AGAP1: variants seen among roughly 807,000 people sequenced by gnomAD.
AGAP1 encodes ArfGAP with GTPase domain, ankyrin repeat and PH domain 1.
In AGAP1, 29 loss-of-function variants were observed where a neutral mutation model predicts 105.3. The ratio of observed to expected loss-of-function variants is 0.28; its 90% CI spans 0.21 to 0.38. The LOEUF is 0.38. AGAP1 is among the 10% of genes least tolerant of loss of function. The pLI is 1.00. For missense variants in AGAP1, 998 were observed against 1,165.1 expected (o/e 0.86, Z 2.09); for synonymous variants, 509 against 485.9 (o/e 1.05, Z -0.63).
intron 1 of AGAP1, among the ~76,000 whole-genome samples, chr2:235,698,435 T>G (rs7592683): frequency 0.3 from 45,868 of 151,924 alleles, 7,998 homozygotes; most frequent in African/African-American, 0.46. Context: ...TTACATCTCA[T>G]GAAAAAAAAA....
intron 12 of AGAP1, among the ~76,000 whole-genome samples, chr2:235,937,100 A>G (rs1244903467): frequency 6.6e-6 from 1 of 152,080 alleles, no homozygotes; most frequent in Non-Finnish European, 1.5e-5. Context: ...TTCTTCCCAA[A>G]TCTTGGCTGG....
rs868562817 is a variant in AGAP1, at chr2:235,867,053, C to A, written c.1051-16292C>A. On this transcript the variant is annotated intron_variant, in intron 9 of 17. Transcript: ENST00000304032. This position sits in a 1 kb window ranked among gnomAD's most constrained non-coding sequence, Gnocchi z 5.4. ...TCGGGGGGTGCTTGCTTATGCGGAG[C>A]CTGTGACCCTGCAGCTCAGCATGGG... Among the ~76,000 whole-genome samples the A allele has an allele frequency of 6.6e-6, 1 of 152,122 alleles. No homozygotes were observed. Among genetic ancestry groups the A allele is most frequent in the African/African-American group, 2.4e-5 (1 of 41,400 alleles).
intron 13 of AGAP1, among the ~76,000 whole-genome samples, chr2:236,022,785 C>A (rs1426296363): frequency 1.3e-5 from 2 of 152,160 alleles, no homozygotes; most frequent in Non-Finnish European, 2.9e-5. Context: ...TCCGCCCCCA[C>A]CCCAGGCCTC....
intron 1 of AGAP1, among the ~76,000 whole-genome samples, chr2:235,523,380 TC>T (rs1163815979): frequency 6.6e-6 from 1 of 152,172 alleles, no homozygotes; most frequent in African/African-American, 2.4e-5. Context: ...AATGTTTCCT[TC>T]CCTGTGGGGA....
intron 6 of AGAP1, among the ~76,000 whole-genome samples, chr2:235,755,443 C>A (rs1046541399): frequency 3.3e-5 from 5 of 152,118 alleles, no homozygotes; most frequent in Admixed American, 6.6e-5. Flanking sequence ...CGATCCCTCC[C>A]CTTCCCCTTC....
rs112761133 is a variant in AGAP1 at position 235,516,055 on chromosome 2, T to TCTGCTGCTGCTGCTG, written c.163+21231_163+21245dup. ...CTCCTGTTCCTGCCGCATGGGCTCC[T>TCTGCTGCTGCTGCTG]CTGCTGCTGCTGCTGCTGCTGCTGC... On this transcript the variant is annotated intron_variant, in intron 1 of 17. Transcript: ENST00000304032. 3.4e-3 allele frequency among the ~76,000 whole-genome samples: 469 copies of TCTGCTGCTGCTGCTG among 138,704 alleles called. 8 individuals carry two copies. Among genetic ancestry groups the TCTGCTGCTGCTGCTG allele is most frequent in the South Asian group, 3.9e-3 (16 of 4,102 alleles). 91.0% of individuals were successfully genotyped at this position (138,704 alleles called of 152,430 possible).
In AGAP1 at chr2:236,045,654, G is replaced by A. The variant is rs933582731; in HGVS notation, c.1892-3405G>A. ...GCCAGGTGGAGGGGCAGGAGACAGT[G>A]CAGAGGTCTGAGTCCGTGCCAGGAG... On this transcript the variant is annotated intron_variant, in intron 15 of 17. Coordinates refer to ENST00000304032, the MANE Select transcript of AGAP1 (RefSeq NM_001037131.3). This position sits in a 1 kb window ranked among gnomAD's most constrained non-coding sequence, Gnocchi z 6.9. 1.3e-5 allele frequency among the ~76,000 whole-genome samples: 2 copies of A among 152,250 alleles called. No homozygotes were observed. Among genetic ancestry groups the A allele is most frequent in the African/African-American group, 2.4e-5 (1 of 41,462 alleles).
chr2:236,038,719 G>C lies in AGAP1; in HGVS notation c.1800+2004G>C, dbSNP rs1234617816. Among the ~76,000 whole-genome samples the C allele has an allele frequency of 6.6e-6, 1 of 152,114 alleles. No individual in the cohort carries two copies. Among genetic ancestry groups the C allele is most frequent in the African/African-American group, 2.4e-5 (1 of 41,398 alleles). ...GTATTTTACCTGCCAGTGGATAATTGAGAGCTGATACAGGTATAGGCATAG... is the reference window on the plus strand; with the variant it reads ...GTATTTTACCTGCCAGTGGATAATTCAGAGCTGATACAGGTATAGGCATAG... On this transcript the variant is annotated intron_variant, in intron 14 of 17. Transcript: ENST00000304032. The surrounding 1 kb of genome is among the most constrained non-coding windows in gnomAD (Gnocchi z 4.5).
At chr2:235,651,134 T>G (rs1156661801) in intron 1 of AGAP1, among the ~76,000 whole-genome samples, 2 of 132,512 alleles carry the variant, frequency 1.5e-5, no homozygotes. Context: ...TGAGTCAAGA[T>G]CGTGCCAGCC....
At chr2:235,938,791 G>A (rs867160924) in intron 12 of AGAP1, among the ~76,000 whole-genome samples, 1 of 152,258 alleles carries the variant, frequency 6.6e-6, no homozygotes. Flanking sequence ...GGGGAGAGGG[G>A]CCTGAAACCC....
intron 1 of AGAP1, among the ~76,000 whole-genome samples, chr2:235,547,858 A>C (rs1349488181): frequency 6.6e-6 from 1 of 152,192 alleles, no homozygotes; most frequent in East Asian, 1.9e-4. Context: ...TGAATTTGCA[A>C]ATGCCAGGGT....
At chr2:235,939,898 G>T (rs1446161722) in intron 12 of AGAP1, among the ~76,000 whole-genome samples, 3 of 152,034 alleles carry the variant, frequency 2.0e-5, no homozygotes, top group African/African-American at 7.2e-5. Context: ...TCTTGAAATA[G>T]GCCTGACCAT....
At chr2:235,947,850 A>G (rs542960060) in intron 12 of AGAP1, among the ~76,000 whole-genome samples, 2 of 152,364 alleles carry the variant, frequency 1.3e-5, no homozygotes, top group East Asian at 3.9e-4. Context: ...TGTTAAGTCT[A>G]CGCTGAAGTT....
chr2:235,795,799 A>T (rs910549022), intron 6 of AGAP1, among the ~76,000 whole-genome samples: 5 of 152,246 alleles, frequency 3.3e-5, no homozygotes, highest in South Asian at 2.1e-4. Context: ...CTAAATACTC[A>T]TACTTTGTAC....
rs184530312 is a variant in AGAP1 at position 235,681,937 on chromosome 2, G to T, written c.164-27242G>T. On this transcript the variant is annotated intron_variant, in intron 1 of 17. Transcript: ENST00000304032. Reference sequence around the variant, plus strand: ...ACAATCTCAGCTCACTGCACCCTCTGCCTCCCAGGTTCAAGCAATTCTCTG... The same window carrying T: ...ACAATCTCAGCTCACTGCACCCTCTTCCTCCCAGGTTCAAGCAATTCTCTG... Among the ~76,000 whole-genome samples the T allele has an allele frequency of 5.6e-3, 769 of 137,326 alleles. 8 individuals are homozygous for T. The highest frequency in any genetic ancestry group is 0.019 in the African/African-American group (718 of 36,928). The allele number at this position is 137,326 out of a possible 152,430, so 90.1% of individuals were successfully genotyped here.
Position 235,930,896 on chromosome 2 carries a change from G to A in AGAP1, c.1456G>A (p.Val486Ile). ...TGCCGACCAGTGGAGTGAGGCTACG[G>A]TCATTGCAAACTCGGCCATCAGCAG... Reference protein sequence around the residue: ...SSADQWSEATVIANSAISSDT... With the variant: ...SSADQWSEATIIANSAISSDT... Residue 486 changes from valine to isoleucine, a missense_variant, in exon 12 of 18, where the codon GTC becomes ATC. Around this residue, in one of 3 missense-constraint regions of AGAP1, gnomAD observed 735 missense variants for 833.4 expected, o/e 0.88. Coordinates refer to ENST00000304032, the MANE Select transcript of AGAP1 (RefSeq NM_001037131.3). The surrounding 1 kb of genome is among the most constrained non-coding windows in gnomAD (Gnocchi z 7.9). 1 of 1,613,988 alleles carries A rather than the reference G, an allele frequency of 6.2e-7. No homozygotes were observed. The highest frequency in any genetic ancestry group is 8.5e-7 in the Non-Finnish European group (1 of 1,179,980).
rs772662447 is a variant in AGAP1 at position 235,961,820 on chromosome 2, G to T, written c.1484-6642G>T. On this transcript the variant is annotated intron_variant, in intron 12 of 17. Transcript: ENST00000304032. This position sits in a 1 kb window ranked among gnomAD's most constrained non-coding sequence, Gnocchi z 5.9. ...GGAGGCAGAGGTGGCAGTGAGCCGA[G>T]ATCACGCCACTGCACTACAGCCTGG... 6.6e-6 allele frequency among the ~76,000 whole-genome samples: 1 copy of T among 152,208 alleles called. No homozygotes were observed. Among genetic ancestry groups the T allele is most frequent in the African/African-American group, 2.4e-5 (1 of 41,456 alleles).
intron 16 of AGAP1, among the ~76,000 whole-genome samples, chr2:236,118,387 C>CTTTTTTTTT (rs529993131): frequency 2.6e-5 from 3 of 116,292 alleles, no homozygotes; most frequent in Non-Finnish European, 3.7e-5. Context: ...TTTTCTTTTT[C>CTTTTTTTTT]TTTTTTTTTT....
rs1311181077 is a variant in AGAP1 at position 235,900,970 on chromosome 2, TA to T, written c.1156-7767del. ...CCTTTGAAGCTGCCTCCTACCTTGC[TA>T]TTGTGACTATGATCCTTTGGGGAGA... On this transcript the variant is annotated intron_variant, in intron 10 of 17. Coordinates refer to ENST00000304032, the MANE Select transcript of AGAP1 (RefSeq NM_001037131.3). This position sits in a 1 kb window ranked among gnomAD's most constrained non-coding sequence, Gnocchi z 5.5. Among the ~76,000 whole-genome samples, 1 of 152,270 alleles carries T rather than the reference TA, an allele frequency of 6.6e-6. No individual in the cohort carries two copies. Among genetic ancestry groups the T allele is most frequent in the African/African-American group, 2.4e-5 (1 of 41,472 alleles).
Sources: gnomAD v4.1 joint callset for allele counts (sites outside exome capture counted in the v4.1 genomes callset) on GRCh38, gnomAD v4.1.1 for gene constraint, gnomAD v4.1.1 regional missense constraint, Gnocchi (gnomAD v3.1) non-coding constraint, MANE v1.5 for transcripts, NCBI Gene and HGNC (gene_info 2026-07-23, HGNC 2026-07-21) for gene names.